PCNP: variants seen among roughly 807,000 people sequenced by gnomAD.
PCNP encodes the protein PEST proteolytic signal containing nuclear protein, also known as PEST proteolytic signal-containing nuclear protein.
A neutral mutation model predicts 21.8 loss-of-function variants in PCNP; 6 were observed. That is an observed-to-expected ratio of 0.28 (90% CI 0.15 to 0.54). The LOEUF (loss-of-function observed/expected upper bound fraction) is 0.54, where lower values mean the gene tolerates loss of function less well. Among genes scored for constraint, PCNP ranks in the 20% least tolerant of loss-of-function variants. The probability of loss-of-function intolerance (pLI) is 0.95; values close to 1 mark genes in which losing one functional copy is unlikely to be tolerated. For missense variants in PCNP, 161 were observed against 215.5 expected (o/e 0.75, Z 1.58); for synonymous variants, 67 against 73.2 (o/e 0.92, Z 0.43).
At chr3:101,592,157 G>GTGTTTTTTGTTTTTTGTTTTTTTGTT (rs1935845186) in intron 4 of PCNP, among the ~76,000 whole-genome samples, 1 of 151,104 alleles carries the variant, frequency 6.6e-6, no homozygotes, top group Non-Finnish European at 1.5e-5. Flanking sequence ...GTTTTTTTGT[G>GTGTTTTTTGTTTTTTGTTTTTTTGTT]TGTTTTTTGT....
At chr3:101,584,667 C>T (rs1048958981) in intron 2 of PCNP, among the ~76,000 whole-genome samples, 8 of 152,054 alleles carry the variant, frequency 5.3e-5, no homozygotes, top group Non-Finnish European at 1.2e-4. Context: ...TGGGTTCAAG[C>T]GATTCTCCTG....
At chr3:101,575,420 G>C (rs983107810) in intron 1 of PCNP, among the ~76,000 whole-genome samples, 1 of 151,190 alleles carries the variant, frequency 6.6e-6, no homozygotes, top group Non-Finnish European at 1.5e-5. Context: ...TAAAAAACAC[G>C]TACAATTCTG....
rs1576604674 is a variant in PCNP at position 101,577,037 on chromosome 3, G to A, written c.65-2753G>A. On this transcript the variant is annotated intron_variant, in intron 1 of 4. Transcript: ENST00000265260. ...AGACGAGATTTCACCATGTTGGCTA[G>A]AATGGTCTCAATCTCTTGACCTCGT... 6.6e-6 allele frequency: 5 copies of A among 761,224 alleles called. No individual in the cohort carries two copies. The East Asian group carries it at 9.9e-5, about 15-fold the overall frequency. The allele number at this position is 761,224 out of a possible 1,614,324, so 47.2% of individuals were successfully genotyped here.
intron 3 of PCNP, among the ~76,000 whole-genome samples, chr3:101,589,518 C>A (rs1317412537): frequency 6.6e-6 from 1 of 151,604 alleles, no homozygotes; most frequent in Middle Eastern, 3.2e-3. Flanking sequence ...TCAAGCAATT[C>A]TCCTGCCTCA....
intron 1 of PCNP, chr3:101,576,557 C>T: frequency 2.5e-6 from 4 of 1,610,940 alleles, no homozygotes; most frequent in Non-Finnish European, 3.4e-6. Flanking sequence ...TGGCCTCGGA[C>T]ACGAAGGCCC....
At chr3:101,576,577 C>G in intron 1 of PCNP, 1 of 1,611,024 alleles carries the variant, frequency 6.2e-7, no homozygotes, top group Middle Eastern at 2.3e-4. Context: ...CCAGAAGTGA[C>G]GCAGCCCTCT....
intron 2 of PCNP, among the ~76,000 whole-genome samples, chr3:101,582,455 T>G (rs138808059): frequency 1.3e-5 from 2 of 152,012 alleles, no homozygotes; most frequent in Non-Finnish European, 2.9e-5. Flanking sequence ...GTCTCAAAAA[T>G]AGATAAACTA....
At chr3:101,576,724 C>T (rs982577821) in intron 1 of PCNP, 10 of 1,611,924 alleles carry the variant, frequency 6.2e-6, no homozygotes, top group Non-Finnish European at 7.6e-6. Flanking sequence ...CTTGTACTGG[C>T]GTGGATTCTG....
At chr3:101,578,296 G>C (rs889284388) in intron 1 of PCNP, among the ~76,000 whole-genome samples, 1 of 152,188 alleles carries the variant, frequency 6.6e-6, no homozygotes, top group South Asian at 2.1e-4. Flanking sequence ...TAAAATTAGC[G>C]TAAGTGCTTT....
At chr3:101,576,585 T>C (rs1293531641) in intron 1 of PCNP, 1 of 1,611,086 alleles carries the variant, frequency 6.2e-7, no homozygotes. Context: ...GACGCAGCCC[T>C]CTATGGGCCC....
chr3:101,592,216 C>T (rs980636645), intron 4 of PCNP, among the ~76,000 whole-genome samples: 3 of 151,940 alleles, frequency 2.0e-5, no homozygotes, highest in African/African-American at 7.3e-5. Flanking sequence ...CTCTGTTGCC[C>T]AGGCTGGAGT....
rs1241786299 is a variant in PCNP at position 101,581,652 on chromosome 3, T to TTG, written c.279+1648_279+1649insTG. 1.1e-4 allele frequency among the ~76,000 whole-genome samples: 17 copies of TTG among 152,200 alleles called. No individual in the cohort carries two copies. The East Asian group carries it at 3.1e-3, about 28-fold the overall frequency. On this transcript the variant is annotated intron_variant, in intron 2 of 4. Coordinates refer to ENST00000265260, the MANE Select transcript of PCNP (RefSeq NM_020357.3). ...TTTCACCATGTTGGCCAGGCTGGTCTCAAACTCCTGACCTCAGGTGATCTG... is the reference window on the plus strand; with the variant it reads ...TTTCACCATGTTGGCCAGGCTGGTCTTGCAAACTCCTGACCTCAGGTGATCTG...
intron 4 of PCNP, among the ~76,000 whole-genome samples, chr3:101,590,508 C>A (rs1205168876): frequency 1.3e-5 from 2 of 152,148 alleles, no homozygotes; most frequent in Non-Finnish European, 2.9e-5. Flanking sequence ...CTTATTTAGT[C>A]TCCAGTTAAA....
At chr3:101,583,094 G>C (rs911946311) in intron 2 of PCNP, among the ~76,000 whole-genome samples, 3 of 152,096 alleles carry the variant, frequency 2.0e-5, no homozygotes, top group Non-Finnish European at 4.4e-5. Context: ...TTGGGAGGCT[G>C]AGGCAGGATT....
intron 1 of PCNP, among the ~76,000 whole-genome samples, chr3:101,577,595 G>A (rs992236672): frequency 6.6e-6 from 1 of 152,204 alleles, no homozygotes; most frequent in Non-Finnish European, 1.5e-5. Flanking sequence ...CATGATCTCA[G>A]CTCACTGCAA....
intron 3 of PCNP, among the ~76,000 whole-genome samples, chr3:101,588,429 C>T (rs1019769342): frequency 6.6e-6 from 1 of 152,054 alleles, no homozygotes; most frequent in South Asian, 2.1e-4. Context: ...AACATTCTTT[C>T]TCCTATAATA....
chr3:101,579,881 A>G lies in PCNP; in HGVS notation c.156A>G (p.Arg52=). The G allele has an allele frequency of 6.2e-7, 1 of 1,613,968 alleles. No individual in the cohort carries two copies. The highest frequency in any genetic ancestry group is 8.5e-7 in the Non-Finnish European group (1 of 1,179,804). The change falls in exon 2 of 5, where the codon CGA becomes CGG. Residue 52 remains arginine, a synonymous_variant. Coordinates refer to ENST00000265260, the MANE Select transcript of PCNP (RefSeq NM_020357.3). ...GTTCCAGTCGCAGCGCTGAGAAGCG[A>G]TCAGCTGAAGAAGAAGCTGCCGACC... is the stretch of plus-strand genomic sequence containing the variant. The part of the protein sequence containing the change: ...GESSSRSAEK[R]SAEEEAADLP...
At chr3:101,590,615 G>A (rs1935752023) in intron 4 of PCNP, among the ~76,000 whole-genome samples, 2 of 152,190 alleles carry the variant, frequency 1.3e-5, no homozygotes, top group Admixed American at 6.6e-5. Flanking sequence ...CACAATCACA[G>A]CTCACTGCAG....
chr3:101,579,980 C>T lies in PCNP; in HGVS notation c.255C>T (p.Ala85=), dbSNP rs1250795026. The change falls in exon 2 of 5, where the codon GCC becomes GCT. Residue 85 remains alanine, a synonymous_variant. Transcript: ENST00000265260. ...GTCAGACGACAAAGAAAGCATCAGCCATATCCATCAAACTTGGATCAAGTG... is the reference window on the plus strand; with the variant it reads ...GTCAGACGACAAAGAAAGCATCAGCTATATCCATCAAACTTGGATCAAGTG... The part of the protein sequence containing the change: ...IGSQTTKKAS[A]ISIKLGSSKP... 9 of 1,613,284 alleles carry T rather than the reference C, an allele frequency of 5.6e-6. No homozygotes were observed. In the Admixed American group the frequency reaches 1.2e-4, roughly 21 times the overall value.
Sources: allele counts gnomAD v4.1 joint callset (sites outside exome capture counted in the v4.1 genomes callset), GRCh38; gene constraint gnomAD v4.1.1; transcripts MANE v1.5; gene names NCBI Gene and HGNC (gene_info 2026-07-23, HGNC 2026-07-21).